HTR1F: variants seen among roughly 807,000 people sequenced by gnomAD.
HTR1F encodes the protein 5-hydroxytryptamine receptor 1F.
HTR1F carries 17 observed loss-of-function variants against 24.0 expected under a neutral mutation model. The observed-to-expected ratio is 0.71, with a 90% CI of 0.48 to 1.06. The LOEUF is 1.06. Ranked by LOEUF, HTR1F falls within the 50% of genes least tolerant of loss-of-function variation. The pLI is 0.00. For synonymous variants in HTR1F, 186 were observed against 156.8 expected, an observed-to-expected ratio of 1.19 and a Z score of -1.39; for missense variants, 391 against 427.8, an observed-to-expected ratio of 0.91 and a Z score of 0.76.
intron 2 of HTR1F, among the ~76,000 whole-genome samples, chr3:87,960,208 C>A (rs1705031596): frequency 6.6e-6 from 1 of 150,664 alleles, no homozygotes; most frequent in Non-Finnish European, 1.5e-5. Flanking sequence ...TGGCAGCCAG[C>A]AAATTGAGAA....
chr3:87,895,733 TA>T (rs1049590464), intron 2 of HTR1F, among the ~76,000 whole-genome samples: 2 of 152,188 alleles, frequency 1.3e-5, no homozygotes, highest in Non-Finnish European at 2.9e-5. Context: ...TACTTGTAGA[TA>T]AAAAAACTTT....
At chr3:87,853,628 TC>T (rs1197246564) in intron 2 of HTR1F, among the ~76,000 whole-genome samples, 1 of 151,810 alleles carries the variant, frequency 6.6e-6, no homozygotes, top group Non-Finnish European at 1.5e-5. Flanking sequence ...TGTTTTTAGG[TC>T]TTTGATGTCT....
At chr3:87,914,262 C>G (rs1703842402) in intron 2 of HTR1F, among the ~76,000 whole-genome samples, 1 of 152,076 alleles carries the variant, frequency 6.6e-6, no homozygotes, top group African/African-American at 2.4e-5. Context: ...AGGAGGGAGG[C>G]CAGAGGCACT....
intron 2 of HTR1F, among the ~76,000 whole-genome samples, chr3:87,954,114 T>G (rs1161199524): frequency 6.6e-6 from 1 of 151,340 alleles, no homozygotes; most frequent in Non-Finnish European, 1.5e-5. Flanking sequence ...CTAAAAGGAG[T>G]AAGTTGTAGT....
chr3:87,839,436 C>T (rs571141791), intron 2 of HTR1F, among the ~76,000 whole-genome samples: 2 of 152,118 alleles, frequency 1.3e-5, no homozygotes, highest in Non-Finnish European at 2.9e-5. Flanking sequence ...TATGCCAGTA[C>T]CATGCTGTTT....
At chr3:87,930,574 G>A (rs1482628635) in intron 2 of HTR1F, among the ~76,000 whole-genome samples, 5 of 152,112 alleles carry the variant, frequency 3.3e-5, no homozygotes, top group African/African-American at 1.2e-4. Flanking sequence ...TTCTGTGTAT[G>A]TGATGAATCA....
At chr3:87,870,413 G>A (rs1705528751) in intron 2 of HTR1F, among the ~76,000 whole-genome samples, 2 of 152,042 alleles carry the variant, frequency 1.3e-5, no homozygotes, top group African/African-American at 2.4e-5. Flanking sequence ...TCAGAAACCA[G>A]CTTAGAAGTT....
intron 2 of HTR1F, among the ~76,000 whole-genome samples, chr3:87,890,446 G>A (rs749289554): frequency 6.6e-6 from 1 of 151,722 alleles, no homozygotes; most frequent in South Asian, 2.1e-4. Flanking sequence ...GTAAACAATT[G>A]CAAAACAAGA....
intron 2 of HTR1F, among the ~76,000 whole-genome samples, chr3:87,970,747 T>C (rs1051765149): frequency 3.9e-5 from 6 of 152,370 alleles, no homozygotes; most frequent in Admixed American, 3.3e-4. Context: ...GGTGTCTTTA[T>C]TTACATTTGA....
intron 2 of HTR1F, among the ~76,000 whole-genome samples, chr3:87,922,696 T>A (rs894522599): frequency 6.6e-6 from 1 of 151,982 alleles, no homozygotes; most frequent in African/African-American, 2.4e-5. Flanking sequence ...AGTTAATTTT[T>A]ATATATAGGG....
At chr3:87,883,555 C>T (rs1271504546) in intron 2 of HTR1F, among the ~76,000 whole-genome samples, 1 of 151,928 alleles carries the variant, frequency 6.6e-6, no homozygotes, top group Non-Finnish European at 1.5e-5. Flanking sequence ...GAACCCATCG[C>T]AAAGAAACTA....
At chr3:87,928,770 C>A (rs574770551) in intron 2 of HTR1F, among the ~76,000 whole-genome samples, 7 of 152,208 alleles carry the variant, frequency 4.6e-5, no homozygotes, top group Middle Eastern at 3.4e-3. Flanking sequence ...CTAAGCAAGA[C>A]CACTGATAAA....
intron 2 of HTR1F, among the ~76,000 whole-genome samples, chr3:87,906,429 C>A (rs897120499): frequency 2.0e-5 from 3 of 151,996 alleles, no homozygotes; most frequent in African/African-American, 7.2e-5. Context: ...ATAATGTTTT[C>A]TCACATTCAA....
intron 2 of HTR1F, among the ~76,000 whole-genome samples, chr3:87,953,988 C>T (rs1032834221): frequency 2.0e-5 from 3 of 151,606 alleles, no homozygotes; most frequent in Non-Finnish European, 3.0e-5. Flanking sequence ...AAAAGTTAAT[C>T]TCATGGAGGT....
At chr3:87,876,451 T>A (rs1705674673) in intron 2 of HTR1F, among the ~76,000 whole-genome samples, 1 of 152,146 alleles carries the variant, frequency 6.6e-6, no homozygotes, top group African/African-American at 2.4e-5. Flanking sequence ...AAGAAAGACA[T>A]CTTGTCACAT....
At chr3:87,815,714 C>G (rs1037002476) in intron 1 of HTR1F, among the ~76,000 whole-genome samples, 1 of 151,996 alleles carries the variant, frequency 6.6e-6, no homozygotes, top group Admixed American at 6.6e-5. Flanking sequence ...ATTAAAATTC[C>G]TGCCTTACTT....
chr3:87,918,582 G>C (rs999220349), intron 2 of HTR1F, among the ~76,000 whole-genome samples: 1 of 151,836 alleles, frequency 6.6e-6, no homozygotes, highest in African/African-American at 2.4e-5. Flanking sequence ...CACCAAGACT[G>C]ACCAAGCTGA....
intron 2 of HTR1F, among the ~76,000 whole-genome samples, chr3:87,941,545 G>A (rs1287140253): frequency 3.3e-5 from 5 of 152,178 alleles, no homozygotes; most frequent in Non-Finnish European, 5.9e-5. Context: ...GCCCCGTACT[G>A]AAGGACAAGA....
At chr3:87,836,624 GATTAT>G (rs1297686412) in intron 2 of HTR1F, among the ~76,000 whole-genome samples, 1 of 152,086 alleles carries the variant, frequency 6.6e-6, no homozygotes, top group African/African-American at 2.4e-5. Context: ...TCTCCCATCA[GATTAT>G]ATTATATTCA....
Sources: allele counts gnomAD v4.1 joint callset (sites outside exome capture counted in the v4.1 genomes callset), GRCh38; gene constraint gnomAD v4.1.1; transcripts MANE v1.5; gene names NCBI Gene and HGNC (gene_info 2026-07-23, HGNC 2026-07-21).